TMEFF2: variants seen among roughly 807,000 people sequenced by gnomAD.
The protein encoded by TMEFF2 is tomoregulin-2.
In TMEFF2, 28 loss-of-function variants were observed where a neutral mutation model predicts 53.8. The ratio of observed to expected loss-of-function variants is 0.52; its 90% CI spans 0.39 to 0.71. The LOEUF is 0.71. Ranked by LOEUF, TMEFF2 falls within the 30% of genes least tolerant of loss-of-function variation. TMEFF2 has a pLI of 0.00. For synonymous variants in TMEFF2, 162 were observed against 166.3 expected (o/e 0.97, Z 0.20); for missense variants, 353 against 455.2 (o/e 0.78, Z 2.04).
At chr2:192,123,614 A>G (rs1428238444) in intron 4 of TMEFF2, among the ~76,000 whole-genome samples, 2 of 152,218 alleles carry the variant, frequency 1.3e-5, no homozygotes, top group East Asian at 3.8e-4. Context: ...CTGCCTTGGC[A>G]CTGATATTCC....
intron 2 of TMEFF2, 45 bp downstream of exon 2, chr2:192,191,835 C>T (rs779822541): frequency 7.6e-7 from 1 of 1,316,360 alleles, no homozygotes. Context: ...TCCTGCTTTG[C>T]AGTCTCATTA....
intron 7 of TMEFF2, among the ~76,000 whole-genome samples, chr2:191,990,778 G>A (rs900621121): frequency 2.6e-5 from 4 of 151,868 alleles, no homozygotes; most frequent in African/African-American, 9.7e-5. Context: ...GTGTGTGTGT[G>A]TGTGTGTGTG....
chr2:191,999,287 T>G, intron 5 of TMEFF2, 79 bp from the exon 6 acceptor site: 1 of 1,257,162 alleles, frequency 8.0e-7, no homozygotes, highest in Non-Finnish European at 1.1e-6. Flanking sequence ...AATGAAAGAA[T>G]TGCTAAGTTG....
chr2:192,139,743 A>C (rs1175973693), intron 4 of TMEFF2, among the ~76,000 whole-genome samples: 2 of 152,192 alleles, frequency 1.3e-5, no homozygotes, highest in African/African-American at 4.8e-5. Context: ...TTATTTCATG[A>C]GGTCTATCAT....
intron 5 of TMEFF2, among the ~76,000 whole-genome samples, chr2:192,014,834 A>G (rs1042130859): frequency 1.3e-5 from 2 of 152,220 alleles, no homozygotes; most frequent in Admixed American, 1.3e-4. Flanking sequence ...ATGAGTATCA[A>G]TGTATTACTT....
At chr2:192,102,626 C>CTTTTTTTTTTTTTTTTTTTTTTT in intron 4 of TMEFF2, among the ~76,000 whole-genome samples, 1 of 109,842 alleles carries the variant, frequency 9.1e-6, no homozygotes, top group South Asian at 3.0e-4. Context: ...TTTTCTTGTT[C>CTTTTTTTTTTTTTTTTTTTTTTT]TTTTTTTTTT....
At chr2:191,956,645 G>A (rs564010228) in intron 7 of TMEFF2, among the ~76,000 whole-genome samples, 31 of 152,244 alleles carry the variant, frequency 2.0e-4, no homozygotes, top group African/African-American at 7.5e-4. Context: ...TCTAGGACTT[G>A]TCAGACAGCT....
At chr2:192,006,336 C>G (rs1489822976) in intron 5 of TMEFF2, among the ~76,000 whole-genome samples, 2 of 152,132 alleles carry the variant, frequency 1.3e-5, no homozygotes, top group African/African-American at 4.8e-5. Context: ...AATAGCCAAT[C>G]AGAGGAAAAC....
At chr2:192,150,302 C>T (rs1690353695) in intron 4 of TMEFF2, among the ~76,000 whole-genome samples, 1 of 151,834 alleles carries the variant, frequency 6.6e-6, no homozygotes, top group African/African-American at 2.4e-5. Context: ...CAGAAGGAAA[C>T]TGTTAGTAGC....
chr2:192,001,681 A>C (rs1686364632), intron 5 of TMEFF2, among the ~76,000 whole-genome samples: 1 of 152,148 alleles, frequency 6.6e-6, no homozygotes, highest in Admixed American at 6.6e-5. Context: ...ATAGTGAATA[A>C]GTCTCATGAG....
intron 4 of TMEFF2, among the ~76,000 whole-genome samples, chr2:192,068,894 T>C (rs1442907086): frequency 6.6e-6 from 1 of 150,838 alleles, no homozygotes; most frequent in Admixed American, 6.6e-5. Flanking sequence ...TTTTATAAAA[T>C]CGGTAGTTGT....
At chr2:192,147,078 T>G (rs2105996049) in intron 4 of TMEFF2, among the ~76,000 whole-genome samples, 1 of 152,226 alleles carries the variant, frequency 6.6e-6, no homozygotes, top group South Asian at 2.1e-4. Context: ...TCTGCTTTCT[T>G]GGGTCACTCT....
intron 5 of TMEFF2, among the ~76,000 whole-genome samples, chr2:192,012,441 TTAGA>T (rs543731149): frequency 2.6e-5 from 4 of 152,192 alleles, no homozygotes; most frequent in Non-Finnish European, 4.4e-5. Flanking sequence ...TGGAGCATGC[TTAGA>T]TAGATTATCA....
At chr2:192,063,597 C>T (rs865795014) in intron 4 of TMEFF2, among the ~76,000 whole-genome samples, 1 of 151,730 alleles carries the variant, frequency 6.6e-6, no homozygotes, top group Non-Finnish European at 1.5e-5. Context: ...TTCAAATCAT[C>T]CATAACTGTA....
intron 4 of TMEFF2, among the ~76,000 whole-genome samples, chr2:192,133,482 T>A (rs1689911449): frequency 6.6e-6 from 1 of 152,224 alleles, no homozygotes; most frequent in South Asian, 2.1e-4. Context: ...TTAAAGCCTA[T>A]AAACTCTCCT....
At chr2:192,158,275 C>G (rs976264299) in intron 4 of TMEFF2, among the ~76,000 whole-genome samples, 1 of 151,936 alleles carries the variant, frequency 6.6e-6, no homozygotes, top group Non-Finnish European at 1.5e-5. Context: ...CATAGAGGAC[C>G]AAATTTAAAG....
chr2:192,181,307 T>C (rs1203875395), intron 3 of TMEFF2, among the ~76,000 whole-genome samples: 7 of 151,744 alleles, frequency 4.6e-5, no homozygotes, highest in African/African-American at 1.2e-4. Context: ...CAGGGCTAAA[T>C]AACAGACTGT....
At chr2:192,044,155 G>A (rs975122180) in intron 5 of TMEFF2, 4 of 152,178 alleles carry the variant, frequency 2.6e-5, no homozygotes, top group Admixed American at 2.0e-4. Context: ...TCAGGGGTAT[G>A]TTAATTCTCT....
chr2:192,040,781 T>C (rs575850655), intron 5 of TMEFF2, among the ~76,000 whole-genome samples: 11 of 152,252 alleles, frequency 7.2e-5, no homozygotes, highest in African/African-American at 1.7e-4. Flanking sequence ...AATAGATACA[T>C]AGATCACCGG....
Sources: allele counts gnomAD v4.1 joint callset (sites outside exome capture counted in the v4.1 genomes callset), GRCh38; gene constraint gnomAD v4.1.1; transcripts MANE v1.5; gene names NCBI Gene and HGNC (gene_info 2026-07-23, HGNC 2026-07-21).